The following SLC44A5 variants were observed in gnomAD, a reference collection of about 807,000 sequenced individuals.
SLC44A5 encodes the protein choline transporter-like protein 5.
Under a neutral mutation model 101.8 loss-of-function variants are expected in SLC44A5, and 57 were observed. The ratio of observed to expected loss-of-function variants is 0.56; its 90% CI spans 0.45 to 0.70. The LOEUF is 0.70. Ranked by LOEUF, SLC44A5 falls within the 30% of genes least tolerant of loss-of-function variation. The pLI, the probability that SLC44A5 is intolerant of heterozygous loss-of-function variation, is 0.00. For missense variants in SLC44A5, 737 were observed against 853.1 expected (o/e 0.86, Z 1.70); for synonymous variants, 281 against 290.9 (o/e 0.97, Z 0.35).
intron 9 of SLC44A5, among the ~76,000 whole-genome samples, chr1:75,239,610 C>G (rs1191194288): frequency 6.6e-6 from 1 of 152,030 alleles, no homozygotes; most frequent in Non-Finnish European, 1.5e-5. Flanking sequence ...CCTGCCCCAC[C>G]TTTCTACTGC....
chr1:75,287,426 C>T (rs1037245084), intron 5 of SLC44A5, among the ~76,000 whole-genome samples: 1,072 of 69,918 alleles, frequency 0.015, no homozygotes, highest in East Asian at 0.02. Context: ...CTTCTGAATT[C>T]TTTTTTTTTT....
chr1:75,290,553 C>G (rs1423335905), intron 5 of SLC44A5, among the ~76,000 whole-genome samples: 2 of 152,112 alleles, frequency 1.3e-5, no homozygotes, highest in East Asian at 1.9e-4. Flanking sequence ...GGAGCAGGAG[C>G]CTTAGAGAGG....
chr1:75,520,524 G>T (rs1171350756), intron 2 of SLC44A5, among the ~76,000 whole-genome samples: 1 of 152,062 alleles, frequency 6.6e-6, no homozygotes, highest in Admixed American at 6.6e-5. Context: ...ACAGACAGTA[G>T]ATATAGATGA....
At chr1:75,477,581 AG>A (rs1263635279) in intron 2 of SLC44A5, among the ~76,000 whole-genome samples, 4 of 152,332 alleles carry the variant, frequency 2.6e-5, no homozygotes, top group African/African-American at 9.6e-5. Flanking sequence ...CTGAAAACCA[AG>A]GCTCGAGAAC....
chr1:75,529,112 C>T (rs1187561061), intron 2 of SLC44A5, among the ~76,000 whole-genome samples: 1 of 152,142 alleles, frequency 6.6e-6, no homozygotes, highest in Admixed American at 6.5e-5. Context: ...AATATCCCAG[C>T]ACCCGGCACT....
At chr1:75,654,772 C>T in the SLC44A5 span, among the ~76,000 whole-genome samples, 11 of 152,174 alleles carry the variant, frequency 7.2e-5, no homozygotes, top group African/African-American at 2.6e-4. Flanking sequence ...TAAACAGCTT[C>T]CCCCCAAAAC....
chr1:75,371,648 G>A (rs1049824613), intron 3 of SLC44A5, among the ~76,000 whole-genome samples: 13 of 152,164 alleles, frequency 8.5e-5, no homozygotes, highest in African/African-American at 2.9e-4. Flanking sequence ...ATTTGAAAGA[G>A]ACAGAGAGTC....
the SLC44A5 span, among the ~76,000 whole-genome samples, chr1:75,663,437 T>C: frequency 3.1e-4 from 47 of 152,192 alleles, no homozygotes; most frequent in African/African-American, 1.1e-3. Context: ...TAAGTGCTTG[T>C]TCTTTAAGCC....
At chr1:75,318,369 TTGAA>T (rs1557657082) in intron 4 of SLC44A5, among the ~76,000 whole-genome samples, 1 of 118,112 alleles carries the variant, frequency 8.5e-6, no homozygotes, top group African/African-American at 3.4e-5. Flanking sequence ...ATCCCATCTC[TTGAA>T]AGAAAGAAAG....
At chr1:75,512,322 C>T (rs1404970933) in intron 2 of SLC44A5, among the ~76,000 whole-genome samples, 3 of 152,076 alleles carry the variant, frequency 2.0e-5, no homozygotes, top group South Asian at 2.1e-4. Context: ...TACTCCGAGC[C>T]GAAGGCCCAA....
At chr1:75,670,997 C>G in the SLC44A5 span, among the ~76,000 whole-genome samples, 3 of 152,114 alleles carry the variant, frequency 2.0e-5, no homozygotes, top group Admixed American at 6.5e-5. Flanking sequence ...AAGCACTGCA[C>G]GTAACATAGG....
chr1:75,371,160 A>C (rs1660197612), intron 3 of SLC44A5, among the ~76,000 whole-genome samples: 1 of 152,208 alleles, frequency 6.6e-6, no homozygotes, highest in Admixed American at 6.5e-5. Context: ...AGGATGTGTC[A>C]ATGGGAAATT....
At chr1:75,627,266 C>A in the SLC44A5 span, among the ~76,000 whole-genome samples, 3 of 152,094 alleles carry the variant, frequency 2.0e-5, no homozygotes, top group Non-Finnish European at 4.4e-5. Flanking sequence ...TTGTCTTAGT[C>A]ATTATAATAG....
chr1:75,515,870 A>G (rs1048969576), intron 2 of SLC44A5, among the ~76,000 whole-genome samples: 1 of 151,386 alleles, frequency 6.6e-6, no homozygotes, highest in Admixed American at 6.6e-5. Context: ...TTCCCATCAC[A>G]GTGTACAAGG....
chr1:75,531,882 G>A (rs1363897666), intron 2 of SLC44A5, among the ~76,000 whole-genome samples: 1 of 152,028 alleles, frequency 6.6e-6, no homozygotes, highest in Non-Finnish European at 1.5e-5. Flanking sequence ...AGAAAGAGGT[G>A]GGTAAGAAAC....
chr1:75,217,802 G>A, intron 18 of SLC44A5, 64 bp downstream of exon 18: 2 of 1,020,962 alleles, frequency 2.0e-6, no homozygotes, highest in Non-Finnish European at 3.1e-6. Flanking sequence ...ATAATCATCA[G>A]GTCTCCCCCA....
At chr1:75,584,516 G>A (rs1416049461) in intron 1 of SLC44A5, among the ~76,000 whole-genome samples, 2 of 152,146 alleles carry the variant, frequency 1.3e-5, no homozygotes, top group African/African-American at 4.8e-5. Context: ...ACTTTCTTTA[G>A]GATTTAGGAA....
At chr1:75,353,535 C>T (rs141803766) in intron 3 of SLC44A5, among the ~76,000 whole-genome samples, 114 of 152,238 alleles carry the variant, frequency 7.5e-4, no homozygotes, top group Non-Finnish European at 1.4e-3. Flanking sequence ...TAAATATTTG[C>T]TATGAACAAA....
At chr1:75,617,690 A>G in the SLC44A5 span, among the ~76,000 whole-genome samples, 1 of 152,234 alleles carries the variant, frequency 6.6e-6, no homozygotes, top group East Asian at 1.9e-4. Flanking sequence ...TAAGCAAAAT[A>G]GACCCATTCT....
Sources: gnomAD v4.1 joint callset for allele counts (sites outside exome capture counted in the v4.1 genomes callset) on GRCh38, gnomAD v4.1.1 for gene constraint, MANE v1.5 for transcripts, NCBI Gene and HGNC (gene_info 2026-07-23, HGNC 2026-07-21) for gene names.